Variants in TTN observed in about 807,000 individuals in gnomAD.
TTN encodes titin.
TTN carries 1,525 observed loss-of-function variants against 3,223.0 expected under a neutral mutation model. That is an observed-to-expected ratio of 0.47 (90% CI 0.45 to 0.49). The LOEUF (loss-of-function observed/expected upper bound fraction) is 0.49, where lower values mean the gene tolerates loss of function less well. TTN is among the 20% of genes least tolerant of loss of function. The pLI, the probability that TTN is intolerant of heterozygous loss-of-function variation, is 0.00. For synonymous variants in TTN, 14,094 were observed against 15,161.0 expected, an observed-to-expected ratio of 0.93 and a Z score of 5.17; for missense variants, 40,786 against 43,424.0, an observed-to-expected ratio of 0.94 and a Z score of 5.40.
Position 178,549,683 on chromosome 2 carries a change from G to A in TTN, c.92039C>T (p.Thr30680Ile). 6.2e-7 allele frequency: 1 copy of A among 1,613,838 alleles called. No individual in the cohort carries two copies. Among genetic ancestry groups the A allele is most frequent in the Non-Finnish European group, 8.5e-7 (1 of 1,179,778 alleles). Reference sequence around the variant, plus strand: ...ATTGCCGTTTATTAGTTTAATGGCAGTGTAACTTTGGGCTTCACATTTATC... The same window carrying A: ...ATTGCCGTTTATTAGTTTAATGGCAATGTAACTTTGGGCTTCACATTTATC... ...IEDKCEAQSYTAIKLINGNEY... is the reference protein window; with the variant it reads ...IEDKCEAQSYIAIKLINGNEY... The change falls in exon 338 of 363, where the codon ACT becomes ATT. Residue 30680 changes from threonine to isoleucine, a missense_variant. By Grantham distance (89) the Thr-to-Ile change is moderately conservative. Transcript: ENST00000589042.
At position 178,779,314 on chromosome 2, in the gene TTN, A is replaced by T. The variant is rs747818002; in HGVS notation, c.3878T>A (p.Phe1293Tyr). The change falls in exon 23 of 363, where the codon TTT becomes TAT. Residue 1293 changes from phenylalanine to tyrosine, a missense_variant. Transcript: ENST00000589042. ...ISESEAVESG[F>Y]DSRIKNYRIL... ...TCTATAATTCTTGATTCTTGAATCA[A>T]ATCCTGATTCAACAGCTTCAGATTC... The T allele has an allele frequency of 6.2e-7, 1 of 1,613,376 alleles. No individual in the cohort carries two copies.
intron 122 of TTN, 82 bp from the exon 123 acceptor site, chr2:178,689,677 T>A: frequency 6.9e-7 from 1 of 1,453,022 alleles, no homozygotes; most frequent in Admixed American, 2.1e-5. Flanking sequence ...AGCAGACGGG[T>A]GGACAGACAC....
intron 164 of TTN, 98 bp downstream of exon 164, chr2:178,665,610 T>C (rs992723771): frequency 1.6e-6 from 2 of 1,230,470 alleles, no homozygotes; most frequent in African/African-American, 1.5e-5. Context: ...AGGAACCACA[T>C]ATTAATTGTC....
In TTN at chr2:178,664,107, A is replaced by G. The variant is rs760175676; in HGVS notation, c.36281-9T>C. 1.7e-5 allele frequency: 27 copies of G among 1,603,328 alleles called. No homozygotes were observed. The highest frequency in any genetic ancestry group is 1.2e-4 in the Admixed American group (7 of 57,366). ...TTTGGGAGCTTCGTGCACTTGAAAG[A>G]TATTAGTATTTTTACACTCAGAAAA... On this transcript the variant is annotated splice_polypyrimidine_tract_variant and intron_variant, in intron 168 of 362. Transcript: ENST00000589042.
intron 223 of TTN, 76 bp from the exon 224 acceptor site, chr2:178,637,495 G>T: frequency 2.4e-6 from 2 of 848,074 alleles, no homozygotes; most frequent in Non-Finnish European, 3.3e-6. Flanking sequence ...CATGGAGGGT[G>T]AGTCATGCTC....
intron 38 of TTN, 74 bp from the exon 39 acceptor site, chr2:178,768,229 C>G (rs1041860791): frequency 6.6e-7 from 1 of 1,505,594 alleles, no homozygotes; most frequent in Non-Finnish European, 9.1e-7. Flanking sequence ...CTGTACAATC[C>G]ACCAATTTAA....
Position 178,696,233 on chromosome 2 carries a change from T to A in TTN, c.30839A>T (p.Glu10280Val). The change falls in exon 114 of 363, where the codon GAA becomes GTA. Residue 10280 changes from glutamate to valine, a missense_variant. Coordinates refer to ENST00000589042, the MANE Select transcript of TTN (RefSeq NM_001267550.2). The part of the protein sequence containing the change: ...EIIDVSSKAE[E>V]VKIMTITRKK... ...TCTGGTTATAGTCATTATTTTTACT[T>A]CTTCAGCTTTAGAGGATACATCAAT... 6.4e-7 allele frequency: 1 copy of A among 1,561,762 alleles called. No homozygotes were observed. The highest frequency in any genetic ancestry group is 8.7e-7 in the Non-Finnish European group (1 of 1,153,598).
rs375076970 is a variant in TTN at position 178,544,424 on chromosome 2, G to A, written c.95805C>T (p.Tyr31935=). The change falls in exon 345 of 363, where the codon TAC becomes TAT. Residue 31935 remains tyrosine, a synonymous_variant. Transcript: ENST00000589042. Reference sequence around the variant, plus strand: ...ATCCTACAATGTCAGTACCACCATCGTACATGGGTTTGGTCCATGCCAAAC... The same window carrying A: ...ATCCTACAATGTCAGTACCACCATCATACATGGGTTTGGTCCATGCCAAAC... ...SISLAWTKPM[Y]DGGTDIVGYV... 8.7e-6 allele frequency: 14 copies of A among 1,613,544 alleles called. No individual in the cohort carries two copies. The highest frequency in any genetic ancestry group is 1.3e-5 in the African/African-American group (1 of 74,888).
In TTN at chr2:178,562,851, C is replaced by T. The variant is rs371788070; in HGVS notation, c.83281G>A (p.Val27761Ile). Reference sequence around the variant, plus strand: ...GCACTTGGTGAGTCAAGAACTCTGACGTTAACAAAAGCTGTTTTGGAGCCA... The same window carrying T: ...GCACTTGGTGAGTCAAGAACTCTGATGTTAACAAAAGCTGTTTTGGAGCCA... ...NSGSKTAFVNVRVLDSPSAPV... is the reference protein window; with the variant it reads ...NSGSKTAFVNIRVLDSPSAPV... The change falls in exon 326 of 363, where the codon GTC becomes ATC. Residue 27761 changes from valine (V) to isoleucine (I), a missense_variant. Physicochemically the swap from Val to Ile is conservative, Grantham distance 29. Coordinates refer to ENST00000589042, the MANE Select transcript of TTN (RefSeq NM_001267550.2). 3.5e-4 allele frequency: 570 copies of T among 1,612,872 alleles called. No individual in the cohort carries two copies. Among genetic ancestry groups the T allele is most frequent in the Non-Finnish European group, 4.5e-4 (536 of 1,179,440 alleles).
Position 178,756,525 on chromosome 2 carries a change from A to T in TTN, c.10951T>A (p.Cys3651Ser), listed in dbSNP as rs2087028700. The change falls in exon 46 of 363, where the codon TGT (cysteine) becomes AGT (serine). Residue 3651 changes from cysteine (C) to serine (S), a missense_variant. By Grantham distance (112) the Cys-to-Ser change is moderately radical. Coordinates refer to ENST00000589042, the MANE Select transcript of TTN (RefSeq NM_001267550.2). ...GCCTCACCCGTGGACTCTTTAGCACATTCCTTAGATAGCTCAGTGCTTTCT... is the reference window on the plus strand; with the variant it reads ...GCCTCACCCGTGGACTCTTTAGCACTTTCCTTAGATAGCTCAGTGCTTTCT... Reference protein sequence around the residue: ...IAESTELSKECAKESTGEAPK... With the variant: ...IAESTELSKESAKESTGEAPK... The T allele has an allele frequency of 6.2e-7, 1 of 1,613,038 alleles. No individual in the cohort carries two copies. The highest frequency in any genetic ancestry group is 1.3e-5 in the African/African-American group (1 of 74,872).
Position 178,732,445 on chromosome 2 carries a change from A to G in TTN, c.16616T>C (p.Val5539Ala), listed in dbSNP as rs773371925. Residue 5539 changes from valine (V) to alanine (A), a missense_variant, in exon 56 of 363, where the codon GTA becomes GCA. Physicochemically the swap from Val to Ala is moderately conservative, Grantham distance 64. Coordinates refer to ENST00000589042, the MANE Select transcript of TTN (RefSeq NM_001267550.2). ...GTCAAGAAAACAATGCAAACCTTTT[A>G]CAAACAAGTTTGCACTGCATTCCAC... ...GGVECSANLF[V>A]KEPATFVEKL... is the part of the protein sequence containing the mutation. 1.3e-6 allele frequency: 2 copies of G among 1,599,632 alleles called. No individual in the cohort carries two copies. The highest frequency in any genetic ancestry group is 8.5e-7 in the Non-Finnish European group (1 of 1,171,674).
In TTN at chr2:178,532,055, C is replaced by G. The variant is rs55866005; in HGVS notation, c.104560G>C (p.Val34854Leu). 6.8e-3 allele frequency: 10,941 copies of G among 1,613,942 alleles called. 45 individuals carry two copies. Among genetic ancestry groups the G allele is most frequent in the Non-Finnish European group, 8.2e-3 (9,631 of 1,179,868 alleles). ...GGACGTGACCGGATCAGCTCAGACA[C>G]TGGCCTCATTAACTCAATATAAGTT... ...SPTYIELMRP[V>L]SELIRSRPQP... is the part of the protein sequence containing the mutation. The change falls in exon 358 of 363, where the codon GTG becomes CTG. Residue 34854 changes from valine to leucine, a missense_variant. By Grantham distance (32) the Val-to-Leu change is conservative. Coordinates refer to ENST00000589042, the MANE Select transcript of TTN (RefSeq NM_001267550.2).
chr2:178,648,091 T>C (rs778080558), intron 213 of TTN, among the ~76,000 whole-genome samples: 1 of 152,250 alleles, frequency 6.6e-6, no homozygotes. Flanking sequence ...GTCTTTACTA[T>C]TTAGTAGCTG....
Position 178,693,931 on chromosome 2 carries a change from A to T in TTN, c.31504T>A (p.Ser10502Thr), listed in dbSNP as rs2073082841. ...FFASHTEEEV[S>T]VTVPEVQKEI... ...CCAGTTTGCCTTATACCTGTGACTG[A>T]CACCTCCTCCTCTGTGTGAGAAGCA... The change falls in exon 118 of 363, where the codon TCA (serine) becomes ACA (threonine). Residue 10502 changes from serine to threonine, a missense_variant. Coordinates refer to ENST00000589042, the MANE Select transcript of TTN (RefSeq NM_001267550.2). 6.2e-7 allele frequency: 1 copy of T among 1,612,938 alleles called. No homozygotes were observed. The highest frequency in any genetic ancestry group is 8.5e-7 in the Non-Finnish European group (1 of 1,179,292).
At position 178,593,772 on chromosome 2, in the gene TTN, T is replaced by C; in HGVS notation, c.58528A>G (p.Ser19510Gly). Reference sequence around the variant, plus strand: ...TCAATAATATAATTGGTGATTTTACTGCCTCCATCATCTAAAGGAGGCTTC... The same window carrying C: ...TCAATAATATAATTGGTGATTTTACCGCCTCCATCATCTAAAGGAGGCTTC... ...SWKPPLDDGGSKITNYIIEKK... is the reference protein window; with the variant it reads ...SWKPPLDDGGGKITNYIIEKK... The change falls in exon 298 of 363, where the codon AGT becomes GGT. Residue 19510 changes from serine to glycine, a missense_variant. Transcript: ENST00000589042. The C allele has an allele frequency of 6.2e-7, 1 of 1,613,278 alleles. No individual in the cohort carries two copies.
chr2:178,755,123 G>C (rs538084906), intron 46 of TTN, among the ~76,000 whole-genome samples: 1 of 152,202 alleles, frequency 6.6e-6, no homozygotes, highest in East Asian at 1.9e-4. Context: ...AAGCTGTTTT[G>C]ACTACGGGCA....
rs1491400130 is a variant in TTN at position 178,657,431 on chromosome 2, A to AT, written c.38038+66_38038+67insA. The AT allele has an allele frequency of 5.7e-5, 48 of 846,136 alleles. 1 individual carries two copies. The highest frequency in any genetic ancestry group is 2.5e-4 in the Admixed American group (5 of 19,890). 52.4% of individuals were successfully genotyped at this position (846,136 alleles called of 1,614,324 possible). ...GTATAATAAAAATATATATATATATAAAAAGAAAAATATTTTCCAGAGCAC... is the reference window on the plus strand; with the variant it reads ...GTATAATAAAAATATATATATATATATAAAAGAAAAATATTTTCCAGAGCAC... On this transcript the variant is annotated intron_variant, in intron 189 of 362. Coordinates refer to ENST00000589042, the MANE Select transcript of TTN (RefSeq NM_001267550.2).
intron 92 of TTN, 114 bp downstream of exon 92, chr2:178,713,783 G>T: frequency 7.5e-7 from 1 of 1,336,554 alleles, no homozygotes; most frequent in Non-Finnish European, 1.0e-6. Context: ...TGCTGATTCA[G>T]AAGATGTCGG....
At chr2:178,734,072 C>A (rs2081015278) in intron 52 of TTN, among the ~76,000 whole-genome samples, 180 bp from the exon 53 acceptor site, 1 of 151,952 alleles carries the variant, frequency 6.6e-6, no homozygotes, top group African/African-American at 2.4e-5. Flanking sequence ...GAGACAGAGG[C>A]ATAGATGATA....
Sources: gnomAD v4.1 joint callset for allele counts (sites outside exome capture counted in the v4.1 genomes callset) on GRCh38, gnomAD v4.1.1 for gene constraint, MANE v1.5 for transcripts, NCBI Gene and HGNC (gene_info 2026-07-23, HGNC 2026-07-21) for gene names.